AAK1: variants seen among roughly 807,000 people sequenced by gnomAD.
The protein encoded by AAK1 is AP2-associated protein kinase 1.
Under a neutral mutation model 116.0 loss-of-function variants are expected in AAK1, and 37 were observed. The ratio of observed to expected loss-of-function variants is 0.32; its 90% CI spans 0.25 to 0.42. AAK1 has a LOEUF of 0.42. Ranked by LOEUF, AAK1 falls within the 10% of genes least tolerant of loss-of-function variation. The pLI is 1.00. For missense variants in AAK1, 919 were observed against 1,170.6 expected (o/e 0.79, Z 3.14); for synonymous variants, 458 against 439.9 (o/e 1.04, Z -0.51).
At chr2:69,495,939 C>T in intron 17 of AAK1, 46 bp downstream of exon 17, 1 of 1,475,510 alleles carries the variant, frequency 6.8e-7, no homozygotes, top group South Asian at 1.2e-5. Flanking sequence ...AGGCCTGGGA[C>T]ATGCAAATCA....
At chr2:69,481,228 G>C in intron 18 of AAK1, 1 of 303,896 alleles carries the variant, frequency 3.3e-6, no homozygotes, top group Non-Finnish European at 6.2e-6. Flanking sequence ...AGAAAAATAA[G>C]TTACTTTATT....
chr2:69,470,930 C>T lies in AAK1; in HGVS notation c.*4939G>A. On this transcript the variant is annotated 3_prime_UTR_variant, in exon 22 of 22. Coordinates refer to ENST00000409085, the MANE Select transcript of AAK1 (RefSeq NM_014911.5). ...TCTAAACATCATGCTCCCATTTGAA[C>T]AGATAAAAGTCTTTATTCCCCTGTA... 3.0e-6 allele frequency: 3 copies of T among 985,848 alleles called. No individual in the cohort carries two copies. Among genetic ancestry groups the T allele is most frequent in the Non-Finnish European group, 3.6e-6 (3 of 829,924 alleles). The allele number at this position is 985,848 out of a possible 1,614,324, so 61.1% of individuals were successfully genotyped here.
chr2:69,480,822 C>A, intron 19 of AAK1, 38 bp downstream of exon 19: 4 of 1,531,216 alleles, frequency 2.6e-6, no homozygotes, highest in Non-Finnish European at 3.5e-6. Context: ...GTTCACCACA[C>A]CGACCAGTCC....
rs747248590 is a variant in AAK1, at chr2:69,460,850, T to A, written c.*15019A>T. 6.6e-6 allele frequency: 1 copy of A among 152,246 alleles called. No homozygotes were observed. Among genetic ancestry groups the A allele is most frequent in the Non-Finnish European group, 1.5e-5 (1 of 68,030 alleles). The allele number at this position is 152,246 out of a possible 1,614,324, so 9.4% of individuals were successfully genotyped here. A position where few individuals can be genotyped will look rare whatever the true frequency, so the allele number is the denominator to read the frequency against. ...ACATCTTTCATTCAGTACTGCCTGTTAGTCAATTACTGTGGATTCTTTCAG... is the reference window on the plus strand; with the variant it reads ...ACATCTTTCATTCAGTACTGCCTGTAAGTCAATTACTGTGGATTCTTTCAG... On this transcript the variant is annotated 3_prime_UTR_variant, in exon 22 of 22. Transcript: ENST00000409085.
chr2:69,527,759 A>G (rs1476170423), intron 8 of AAK1, among the ~76,000 whole-genome samples: 1 of 152,206 alleles, frequency 6.6e-6, no homozygotes, highest in Non-Finnish European at 1.5e-5. Flanking sequence ...TGTTGGAAAT[A>G]TTAGCTGGTT....
At chr2:69,571,439 T>C (rs1444470880) in intron 2 of AAK1, among the ~76,000 whole-genome samples, 2 of 152,222 alleles carry the variant, frequency 1.3e-5, no homozygotes, top group East Asian at 3.9e-4. Context: ...CACTTCCTGC[T>C]GTTGGGTTCT....
chr2:69,622,875 C>T (rs868314011), intron 2 of AAK1, among the ~76,000 whole-genome samples: 8 of 152,104 alleles, frequency 5.3e-5, no homozygotes, highest in Admixed American at 1.3e-4. Flanking sequence ...GGATTATAAA[C>T]GCACCAATCA....
In AAK1 at chr2:69,470,825, A is replaced by T; in HGVS notation, c.*5044T>A. On this transcript the variant is annotated 3_prime_UTR_variant, in exon 22 of 22. Coordinates refer to ENST00000409085, the MANE Select transcript of AAK1 (RefSeq NM_014911.5). ...GTGCCCAGGTACTTATTGTCACTCA[A>T]TACTGTGATTAAATCCTTTCTGCAA... The T allele has an allele frequency of 1.0e-6, 1 of 985,850 alleles. No individual in the cohort carries two copies. The highest frequency in any genetic ancestry group is 1.7e-5 in the African/African-American group (1 of 57,348). The allele number at this position is 985,850 out of a possible 1,614,324, so 61.1% of individuals were successfully genotyped here. A position where few individuals can be genotyped will look rare whatever the true frequency, so the allele number is the denominator to read the frequency against.
intron 2 of AAK1, chr2:69,598,441 C>T (rs749868658): frequency 3.6e-5 from 9 of 251,026 alleles, no homozygotes; most frequent in Middle Eastern, 9.2e-4. Context: ...AGTTTGAAGA[C>T]GTTTATGTTG....
At chr2:69,564,385 A>G (rs979127704) in intron 2 of AAK1, among the ~76,000 whole-genome samples, 1 of 151,950 alleles carries the variant, frequency 6.6e-6, no homozygotes, top group Non-Finnish European at 1.5e-5. Flanking sequence ...AAGTAGCTCT[A>G]CTTTTAGCTG....
chr2:69,629,443 G>T (rs1675063674), intron 2 of AAK1, among the ~76,000 whole-genome samples: 1 of 152,148 alleles, frequency 6.6e-6, no homozygotes. Flanking sequence ...GAGATCAATG[G>T]TACCAGACGC....
At chr2:69,621,492 G>C (rs1273833195) in intron 2 of AAK1, among the ~76,000 whole-genome samples, 1 of 151,922 alleles carries the variant, frequency 6.6e-6, no homozygotes, top group Non-Finnish European at 1.5e-5. Context: ...AAAAAAAAAG[G>C]AGTAAAGGCA....
At chr2:69,621,879 G>A (rs1401111664) in intron 2 of AAK1, among the ~76,000 whole-genome samples, 3 of 152,162 alleles carry the variant, frequency 2.0e-5, no homozygotes, top group South Asian at 2.1e-4. Flanking sequence ...GAATCCAACC[G>A]GGCACCAAGG....
chr2:69,621,037 C>T (rs1367823268), intron 2 of AAK1, among the ~76,000 whole-genome samples: 6 of 152,230 alleles, frequency 3.9e-5, no homozygotes, highest in African/African-American at 1.4e-4. Flanking sequence ...GTGTAAAGAA[C>T]ACCAGAGCCT....
intron 2 of AAK1, among the ~76,000 whole-genome samples, chr2:69,588,356 T>C (rs1672878925): frequency 6.6e-6 from 1 of 152,226 alleles, no homozygotes; most frequent in East Asian, 1.9e-4. Context: ...AGAAAAACTC[T>C]AGTTATGGGA....
In AAK1 at chr2:69,466,359, T is replaced by G. The variant is rs963215853; in HGVS notation, c.*9510A>C. 1 of 1,289,724 alleles carries G rather than the reference T, an allele frequency of 7.8e-7. No individual in the cohort carries two copies. The highest frequency in any genetic ancestry group is 1.5e-5 in the African/African-American group (1 of 65,870). The allele number at this position is 1,289,724 out of a possible 1,614,324, so 79.9% of individuals were successfully genotyped here. On this transcript the variant is annotated 3_prime_UTR_variant, in exon 22 of 22. Transcript: ENST00000409085. ...GTCTCCTTCAAGGTCAGTCCCTTCC[T>G]CTTCGCTGCTGTGGAATGAGCTGTT...
At chr2:69,541,888 C>G (rs1359017805) in intron 5 of AAK1, among the ~76,000 whole-genome samples, 1 of 152,162 alleles carries the variant, frequency 6.6e-6, no homozygotes, top group Non-Finnish European at 1.5e-5. Context: ...TGGCACTGTC[C>G]TTCCTAGTTA....
chr2:69,513,521 C>T (rs1676471483), intron 13 of AAK1, among the ~76,000 whole-genome samples: 1 of 152,104 alleles, frequency 6.6e-6, no homozygotes, highest in Non-Finnish European at 1.5e-5. Context: ...GACGTGGTTT[C>T]ACCACGTTAG....
chr2:69,525,780 A>G (rs540324107), intron 9 of AAK1, among the ~76,000 whole-genome samples: 73 of 152,246 alleles, frequency 4.8e-4, no homozygotes, highest in Middle Eastern at 3.2e-3. Flanking sequence ...ACCAAATGAC[A>G]TAAGACTTGT....
Sources: allele counts gnomAD v4.1 joint callset (sites outside exome capture counted in the v4.1 genomes callset), GRCh38; gene constraint gnomAD v4.1.1; transcripts MANE v1.5; gene names NCBI Gene and HGNC (gene_info 2026-07-23, HGNC 2026-07-21).